Variants in WDR36 observed in about 807,000 individuals in gnomAD.
WDR36 encodes WD repeat-containing protein 36.
WDR36 carries 63 observed loss-of-function variants against 112.7 expected under a neutral mutation model. The observed-to-expected ratio is 0.56, with a 90% CI of 0.46 to 0.69. WDR36 has a LOEUF of 0.69. Among genes scored for constraint, WDR36 ranks in the 30% least tolerant of loss-of-function variants. The pLI is 0.00. For missense variants in WDR36, 1,226 were observed against 1,070.3 expected (o/e 1.15, Z -2.03); for synonymous variants, 410 against 362.2 (o/e 1.13, Z -1.50).
At chr5:111,093,027 A>C (rs1752900348) in intron 1 of WDR36, among the ~76,000 whole-genome samples, 1 of 152,274 alleles carries the variant, frequency 6.6e-6, no homozygotes, top group Non-Finnish European at 1.5e-5. Context: ...TCTAGGTAGA[A>C]TACATTGGGA....
At position 111,104,286 on chromosome 5, in the gene WDR36, T is replaced by A; in HGVS notation, c.840T>A (p.Ile280=). Residue 280 remains isoleucine, a synonymous_variant, in exon 8 of 23, where the codon ATT becomes ATA. Coordinates refer to ENST00000513710, the MANE Select transcript of WDR36 (RefSeq NM_139281.3). The part of the protein sequence containing the change: ...NQMRNAHSTA[I]AGLTFLHREP... ...TGAGAAATGCACACTCTACAGCAATTGCCGGACTGACATTTCTCCATAGAG... is the reference window on the plus strand; with the variant it reads ...TGAGAAATGCACACTCTACAGCAATAGCCGGACTGACATTTCTCCATAGAG... 6.2e-7 allele frequency: 1 copy of A among 1,612,180 alleles called. No homozygotes were observed. Among genetic ancestry groups the A allele is most frequent in the South Asian group, 1.1e-5 (1 of 91,052 alleles).
chr5:111,104,488 A>C, intron 8 of WDR36, 136 bp downstream of exon 8: 5 of 1,423,078 alleles, frequency 3.5e-6, no homozygotes, highest in Non-Finnish European at 4.9e-6. Flanking sequence ...TAGATGAAAC[A>C]AAAAGCACAG....
chr5:111,104,442 TAGA>T, intron 8 of WDR36, 90 bp downstream of exon 8: 1 of 1,551,988 alleles, frequency 6.4e-7, no homozygotes, highest in Non-Finnish European at 8.9e-7. Flanking sequence ...GCTTTCAACC[TAGA>T]AGATGAAAGG....
intron 21 of WDR36, among the ~76,000 whole-genome samples, chr5:111,124,530 G>A (rs537645412): frequency 6.6e-6 from 1 of 152,216 alleles, no homozygotes; most frequent in South Asian, 2.1e-4. Flanking sequence ...TTTGTAGCAA[G>A]TAATTTGCAA....
intron 5 of WDR36, among the ~76,000 whole-genome samples, chr5:111,101,541 G>T (rs1411258776): frequency 6.6e-6 from 1 of 151,744 alleles, no homozygotes; most frequent in African/African-American, 2.4e-5. Flanking sequence ...TAGCTAGAGG[G>T]CTGGATACAT....
rs113787324 is a variant in WDR36, at chr5:111,125,410, C to T, written c.2351-198C>T. 2.4e-3 allele frequency among the ~76,000 whole-genome samples: 370 copies of T among 152,104 alleles called. 2 individuals are homozygous for T. Among genetic ancestry groups the T allele is most frequent in the African/African-American group, 8.3e-3 (343 of 41,504 alleles). On this transcript the variant is annotated intron_variant, in intron 21 of 22. Coordinates refer to ENST00000513710, the MANE Select transcript of WDR36 (RefSeq NM_139281.3). ...AAAAAATGTGTTTTGAGTACTTTCT[C>T]TTATATTGGTGTCATCGTTTGTACT... is the stretch of plus-strand genomic sequence containing the variant.
At chr5:111,107,103 A>G (rs1580396107) in intron 11 of WDR36, among the ~76,000 whole-genome samples, 191 bp from the exon 12 acceptor site, 1 of 151,600 alleles carries the variant, frequency 6.6e-6, no homozygotes, top group East Asian at 1.9e-4. Flanking sequence ...CCATAAACAC[A>G]TAAATACACA....
Position 111,118,010 on chromosome 5 carries a change from C to T in WDR36, c.1797-1003C>T, listed in dbSNP as rs548258302. Among the ~76,000 whole-genome samples the T allele has an allele frequency of 5.9e-5, 9 of 152,260 alleles. No homozygotes were observed. The East Asian group carries it at 1.7e-3, about 29-fold the overall frequency. On this transcript the variant is annotated intron_variant, in intron 16 of 22. Transcript: ENST00000513710. ...TGTTAGATGATTACTACCATACTGT[C>T]ACCATTCTCTCTGTTCAAATATATT...
Position 111,123,849 on chromosome 5 carries a change from A to G in WDR36, c.2193A>G (p.Ala731=). The part of the protein sequence containing the change: ...PKEPPKVPKS[A]PFFIPTIPGL... Reference sequence around the variant, plus strand: ...AACCACCCAAAGTACCCAAATCAGCACCATTTTTCATTCCAACAATTCCTG... The same window carrying G: ...AACCACCCAAAGTACCCAAATCAGCGCCATTTTTCATTCCAACAATTCCTG... Residue 731 remains alanine (A), a synonymous_variant, in exon 20 of 23, where the codon GCA becomes GCG. Coordinates refer to ENST00000513710, the MANE Select transcript of WDR36 (RefSeq NM_139281.3). The G allele has an allele frequency of 6.2e-7, 1 of 1,613,954 alleles. No individual in the cohort carries two copies. Among genetic ancestry groups the G allele is most frequent in the South Asian group, 1.1e-5 (1 of 91,076 alleles).
At position 111,104,226 on chromosome 5, in the gene WDR36, C is replaced by T. The variant is rs1288917028; in HGVS notation, c.780C>T (p.Leu260=). ...GAAGCCCATGTGGCCATATTGGACTCTGGGATCTAGAAGACAAAAAATTAA... is the reference window on the plus strand; with the variant it reads ...GAAGCCCATGTGGCCATATTGGACTTTGGGATCTAGAAGACAAAAAATTAA... The part of the protein sequence containing the change: ...AAGSPCGHIG[L]WDLEDKKLIN... Residue 260 remains leucine, a synonymous_variant, in exon 8 of 23, where the codon CTC becomes CTT. Transcript: ENST00000513710. The T allele has an allele frequency of 6.2e-7, 1 of 1,611,722 alleles. No individual in the cohort carries two copies.
At chr5:111,118,304 C>T (rs558681155) in intron 16 of WDR36, among the ~76,000 whole-genome samples, 15 of 152,266 alleles carry the variant, frequency 9.9e-5, no homozygotes, top group South Asian at 4.1e-4. Flanking sequence ...CATTGAAATC[C>T]TGTCCATTTG....
chr5:111,115,023 A>G (rs1020938655), intron 16 of WDR36, among the ~76,000 whole-genome samples: 7 of 143,090 alleles, frequency 4.9e-5, no homozygotes, highest in African/African-American at 2.1e-4. Context: ...TGAATTTCTT[A>G]TATCAGTAAG....
At chr5:111,102,455 G>T (rs1753140606) in intron 6 of WDR36, 56 bp downstream of exon 6, 2 of 1,516,168 alleles carry the variant, frequency 1.3e-6, no homozygotes, top group Middle Eastern at 1.7e-4. Context: ...AAATCCTTCA[G>T]TTTCAGGAAT....
At chr5:111,103,140 C>G (rs1753154397) in intron 6 of WDR36, among the ~76,000 whole-genome samples, 1 of 151,630 alleles carries the variant, frequency 6.6e-6, no homozygotes. Flanking sequence ...ATAGTAGACA[C>G]TTGATGACAA....
chr5:111,104,956 C>T, intron 9 of WDR36, 139 bp downstream of exon 9: 1 of 1,305,664 alleles, frequency 7.7e-7, no homozygotes, highest in Non-Finnish European at 1.1e-6. Context: ...AACTAAGAGT[C>T]CTTTTTGTCT....
At chr5:111,110,039 T>C in intron 12 of WDR36, 150 bp from the exon 13 acceptor site, 5 of 646,860 alleles carry the variant, frequency 7.7e-6, no homozygotes, top group Non-Finnish European at 8.3e-6. Flanking sequence ...CAAATATAAT[T>C]ACTTTATGTT....
At chr5:111,104,562 C>A in intron 8 of WDR36, 135 bp from the exon 9 acceptor site, 1 of 1,417,860 alleles carries the variant, frequency 7.1e-7, no homozygotes, top group African/African-American at 1.4e-5. Context: ...AATACCCACT[C>A]CCTCCCTTGT....
At chr5:111,126,098 A>G (rs867891057) in intron 22 of WDR36, among the ~76,000 whole-genome samples, 23 of 152,166 alleles carry the variant, frequency 1.5e-4, no homozygotes, top group African/African-American at 5.1e-4. Flanking sequence ...CAACTGCACA[A>G]TAATTTTGAC....
intron 12 of WDR36, 38 bp from the exon 13 acceptor site, chr5:111,110,151 T>A (rs904276000): frequency 2.1e-6 from 3 of 1,405,458 alleles, no homozygotes; most frequent in Non-Finnish European, 3.0e-6. Flanking sequence ...AATAAAAATG[T>A]TAGTTATTTT....
Sources: gnomAD v4.1 joint callset for allele counts (sites outside exome capture counted in the v4.1 genomes callset) on GRCh38, gnomAD v4.1.1 for gene constraint, MANE v1.5 for transcripts, NCBI Gene and HGNC (gene_info 2026-07-23, HGNC 2026-07-21) for gene names.